Variants in TMEM163 observed in about 807,000 individuals in gnomAD.
TMEM163 encodes transmembrane protein 163.
TMEM163 carries 17 observed loss-of-function variants against 29.3 expected under a neutral mutation model. The observed-to-expected ratio is 0.58, with a 90% CI of 0.40 to 0.87. The LOEUF (loss-of-function observed/expected upper bound fraction) is 0.87, where lower values mean the gene tolerates loss of function less well. Ranked by LOEUF, TMEM163 falls within the 40% of genes least tolerant of loss-of-function variation. TMEM163 has a pLI of 0.00. For missense variants in TMEM163, 303 were observed against 381.5 expected, an observed-to-expected ratio of 0.79 and a Z score of 1.71; for synonymous variants, 157 against 160.6, an observed-to-expected ratio of 0.98 and a Z score of 0.17.
intron 4 of TMEM163, among the ~76,000 whole-genome samples, chr2:134,509,457 C>T (rs1574191252): frequency 1.3e-5 from 2 of 152,246 alleles, no homozygotes; most frequent in Admixed American, 6.5e-5. Flanking sequence ...CCAATCAATG[C>T]GCCATTTCCT....
intron 2 of TMEM163, among the ~76,000 whole-genome samples, chr2:134,658,095 T>C (rs1683662816): frequency 6.6e-6 from 1 of 152,256 alleles, no homozygotes; most frequent in Admixed American, 6.5e-5. Context: ...TTATTGTTAC[T>C]TTTATTGATT....
At chr2:134,535,287 G>A (rs1372622145) in intron 4 of TMEM163, among the ~76,000 whole-genome samples, 1 of 152,158 alleles carries the variant, frequency 6.6e-6, no homozygotes, top group Non-Finnish European at 1.5e-5. Context: ...CACACACAGA[G>A]CAAGCACTTT....
At chr2:134,549,141 T>C (rs554666899) in intron 4 of TMEM163, among the ~76,000 whole-genome samples, 1 of 152,070 alleles carries the variant, frequency 6.6e-6, no homozygotes, top group South Asian at 2.1e-4. Flanking sequence ...AAAATAGACA[T>C]TTAACATTTA....
At chr2:134,577,673 C>G (rs1681590218) in intron 2 of TMEM163, among the ~76,000 whole-genome samples, 1 of 152,122 alleles carries the variant, frequency 6.6e-6, no homozygotes, top group Non-Finnish European at 1.5e-5. Context: ...TCAGACACAC[C>G]TATCTCAGCT....
chr2:134,491,215 C>T (rs1355473880), intron 5 of TMEM163, among the ~76,000 whole-genome samples: 1 of 152,164 alleles, frequency 6.6e-6, no homozygotes, highest in Non-Finnish European at 1.5e-5. Flanking sequence ...CTGACGAACA[C>T]CAGTGTCCTG....
At chr2:134,485,457 A>G (rs1679286061) in intron 5 of TMEM163, among the ~76,000 whole-genome samples, 1 of 152,338 alleles carries the variant, frequency 6.6e-6, no homozygotes, top group African/African-American at 2.4e-5. Flanking sequence ...AACGTATTAC[A>G]AGGAGTCGGC....
intron 2 of TMEM163, among the ~76,000 whole-genome samples, chr2:134,606,940 A>G (rs1403795279): frequency 3.7e-5 from 5 of 136,824 alleles, no homozygotes; most frequent in Non-Finnish European, 6.2e-5. Flanking sequence ...GCTGGTGAAA[A>G]GGAGGACAGA....
Position 134,717,131 on chromosome 2 carries a change from G to A in TMEM163, c.202+1603C>T, listed in dbSNP as rs551364830. Among the ~76,000 whole-genome samples, 12 of 152,324 alleles carry A rather than the reference G, an allele frequency of 7.9e-5. No homozygotes were observed. In the South Asian group the frequency reaches 2.5e-3, roughly 32 times the overall value. ...CTAAATATGAACTCACCCTAGCACTGTCTTCCCTCCTATCATTTTGTGGGG... is the reference window on the plus strand; with the variant it reads ...CTAAATATGAACTCACCCTAGCACTATCTTCCCTCCTATCATTTTGTGGGG... On this transcript the variant is annotated intron_variant, in intron 1 of 7. Coordinates refer to ENST00000281924, the MANE Select transcript of TMEM163 (RefSeq NM_030923.5).
At chr2:134,633,378 T>C (rs1194124929) in intron 2 of TMEM163, among the ~76,000 whole-genome samples, 1 of 152,122 alleles carries the variant, frequency 6.6e-6, no homozygotes, top group Non-Finnish European at 1.5e-5. Context: ...ATGTAATCAT[T>C]ATCTTCCAAA....
At chr2:134,633,385 C>A (rs929827928) in intron 2 of TMEM163, among the ~76,000 whole-genome samples, 1 of 152,080 alleles carries the variant, frequency 6.6e-6, no homozygotes, top group Non-Finnish European at 1.5e-5. Flanking sequence ...CATTATCTTC[C>A]AAATCTTAGT....
chr2:134,481,892 C>T (rs954609938), intron 5 of TMEM163, among the ~76,000 whole-genome samples: 5 of 152,104 alleles, frequency 3.3e-5, no homozygotes, highest in African/African-American at 1.2e-4. Context: ...AGCAAGACCT[C>T]GGGGGTCAGG....
intron 4 of TMEM163, among the ~76,000 whole-genome samples, chr2:134,509,102 A>G (rs1679890639): frequency 1.3e-5 from 2 of 152,226 alleles, no homozygotes; most frequent in South Asian, 2.1e-4. Flanking sequence ...AACTTGTTAA[A>G]TGATTAGTCT....
At chr2:134,637,349 G>GGTGTGCCTGA (rs1683127863) in intron 2 of TMEM163, among the ~76,000 whole-genome samples, 1 of 152,198 alleles carries the variant, frequency 6.6e-6, no homozygotes, top group Non-Finnish European at 1.5e-5. Flanking sequence ...AGTGAGTGTG[G>GGTGTGCCTGA]GTGTGCCTGA....
intron 2 of TMEM163, among the ~76,000 whole-genome samples, chr2:134,684,679 A>T (rs575651664): frequency 1.3e-5 from 2 of 152,200 alleles, no homozygotes; most frequent in South Asian, 4.2e-4. Flanking sequence ...TAATACCAGA[A>T]CTTTGGGAGG....
rs62168979 is a variant in TMEM163 at position 134,486,510 on chromosome 2, G to A, written c.555+16391C>T. 2.7e-3 allele frequency among the ~76,000 whole-genome samples: 418 copies of A among 152,280 alleles called. 1 individual carries two copies. The highest frequency in any genetic ancestry group is 0.014 in the Middle Eastern group (4 of 294). On this transcript the variant is annotated intron_variant, in intron 5 of 7. Transcript: ENST00000281924. Reference sequence around the variant, plus strand: ...AGGGCATCTAAATACAGATGGATTCGAGATTTTACAAATCACAAGTAATAT... The same window carrying A: ...AGGGCATCTAAATACAGATGGATTCAAGATTTTACAAATCACAAGTAATAT...
chr2:134,709,161 T>G (rs1177315064), intron 2 of TMEM163, among the ~76,000 whole-genome samples: 1 of 152,204 alleles, frequency 6.6e-6, no homozygotes, highest in Non-Finnish European at 1.5e-5. Context: ...CTTTCTAGCT[T>G]CATTATTAAA....
intron 4 of TMEM163, among the ~76,000 whole-genome samples, chr2:134,520,096 TACC>T (rs1038231313): frequency 2.6e-5 from 4 of 152,240 alleles, no homozygotes; most frequent in African/African-American, 9.6e-5. Context: ...TAACTCTACA[TACC>T]ACCACCTTAG....
intron 2 of TMEM163, among the ~76,000 whole-genome samples, chr2:134,564,292 G>A (rs1349854524): frequency 6.6e-6 from 1 of 152,140 alleles, no homozygotes; most frequent in East Asian, 1.9e-4. Context: ...GGGAAAGAAA[G>A]TTCTTTTCAA....
chr2:134,547,681 G>A (rs1459111994), intron 4 of TMEM163, among the ~76,000 whole-genome samples: 1 of 152,160 alleles, frequency 6.6e-6, no homozygotes, highest in African/African-American at 2.4e-5. Context: ...AGAGGATTGT[G>A]AGTATCACTT....
Sources: allele counts gnomAD v4.1 joint callset (sites outside exome capture counted in the v4.1 genomes callset), GRCh38; gene constraint gnomAD v4.1.1; transcripts MANE v1.5; gene names NCBI Gene and HGNC (gene_info 2026-07-23, HGNC 2026-07-21).